HSPG2: variants seen among roughly 807,000 people sequenced by gnomAD.
HSPG2 encodes the protein heparan sulfate proteoglycan 2.
HSPG2 carries 278 observed loss-of-function variants against 526.6 expected under a neutral mutation model. That is an observed-to-expected ratio of 0.53 (90% CI 0.48 to 0.58). The LOEUF (loss-of-function observed/expected upper bound fraction) is 0.58. Among genes scored for constraint, HSPG2 ranks in the 20% least tolerant of loss-of-function variants. The pLI is 0.00. For synonymous variants in HSPG2, 2,465 were observed against 2,555.4 expected, an observed-to-expected ratio of 0.96 and a Z score of 1.07; for missense variants, 5,354 against 6,099.5, an observed-to-expected ratio of 0.88 and a Z score of 4.07.
chr1:21,885,002 C>G lies in HSPG2; in HGVS notation c.1355+11G>C. 1 of 1,613,860 alleles carries G rather than the reference C, an allele frequency of 6.2e-7. No homozygotes were observed. Among genetic ancestry groups the G allele is most frequent in the African/African-American group, 1.3e-5 (1 of 75,036 alleles). Reference sequence around the variant, plus strand: ...TCATTCCCACCCCACCACCTGGGCCCAGAGCCGCACCTGGGATGAGAGGGG... The same window carrying G: ...TCATTCCCACCCCACCACCTGGGCCGAGAGCCGCACCTGGGATGAGAGGGG... On this transcript the variant is annotated intron_variant, in intron 11 of 96. Coordinates refer to ENST00000374695, the MANE Select transcript of HSPG2 (RefSeq NM_005529.7).
intron 1 of HSPG2, among the ~76,000 whole-genome samples, chr1:21,901,727 C>T (rs1643113154): frequency 6.6e-6 from 1 of 152,096 alleles, no homozygotes; most frequent in South Asian, 2.1e-4. Flanking sequence ...CAGGGCCAGG[C>T]TCCAGGCATG....
intron 64 of HSPG2, 100 bp downstream of exon 64, chr1:21,846,008 G>A (rs774747479): frequency 9.6e-5 from 136 of 1,416,394 alleles, no homozygotes; most frequent in Non-Finnish European, 1.0e-4. Context: ...GGCAGTTCTC[G>A]CCGAGTGCCA....
rs369943997 is a variant in HSPG2, at chr1:21,880,412, C to T, written c.2146G>A (p.Val716Ile). 3.3e-5 allele frequency: 54 copies of T among 1,614,038 alleles called. No individual in the cohort carries two copies. The highest frequency in any genetic ancestry group is 4.2e-5 in the Non-Finnish European group (49 of 1,180,014). ...GLSDIAMDTT[V>I]THATSHGRAH... ...CGGCCATGGCTGGTGGCATGGGTGA[C>T]GGTGGTATCCATGGCGATGTCGCTA... Residue 716 changes from valine to isoleucine, a missense_variant, in exon 16 of 97, where the codon GTC becomes ATC. Val to Ile is a conservative substitution (Grantham distance 29, BLOSUM62 3). Transcript: ENST00000374695.
intron 74 of HSPG2, among the ~76,000 whole-genome samples, chr1:21,837,587 C>A (rs1458992271): frequency 6.6e-6 from 1 of 152,062 alleles, no homozygotes; most frequent in African/African-American, 2.4e-5. Flanking sequence ...CCGCGCCCGG[C>A]CATACTCAGA....
intron 85 of HSPG2, chr1:21,830,727 G>C (rs1260263175): frequency 1.1e-5 from 6 of 539,106 alleles, no homozygotes; most frequent in Admixed American, 6.6e-5. Context: ...GGCTGGGGGT[G>C]GGGGAGTGCC....
intron 1 of HSPG2, among the ~76,000 whole-genome samples, chr1:21,914,999 CCCT>C (rs1643852915): frequency 6.6e-6 from 1 of 152,208 alleles, no homozygotes; most frequent in Non-Finnish European, 1.5e-5. Context: ...TGTCAGACGT[CCCT>C]CACCCCCAGG....
rs1572148145 is a variant in HSPG2 at position 21,829,590 on chromosome 1, T to C, written c.11785A>G (p.Thr3929Ala). Residue 3929 changes from threonine to alanine, a missense_variant, in exon 87 of 97, where the codon ACC becomes GCC. By Grantham distance (58) the Thr-to-Ala change is moderately conservative (BLOSUM62 0). Transcript: ENST00000374695. ...GAGCCAGCACCCGACAGCGAGGGGG[T>C]GGTCACTGTCACACCTGCAGCAGCC... Reference protein sequence around the residue: ...LRCEEGVTVTTPSLSGAGSYL... With the variant: ...LRCEEGVTVTAPSLSGAGSYL... 6.2e-7 allele frequency: 1 copy of C among 1,605,844 alleles called. No individual in the cohort carries two copies. The highest frequency in any genetic ancestry group is 8.5e-7 in the Non-Finnish European group (1 of 1,175,416).
At position 21,848,121 on chromosome 1, in the gene HSPG2, G is replaced by T; in HGVS notation, c.7738-28C>A. On this transcript the variant is annotated intron_variant, in intron 59 of 96. Coordinates refer to ENST00000374695, the MANE Select transcript of HSPG2 (RefSeq NM_005529.7). The surrounding 1 kb of genome is among the most constrained non-coding windows in gnomAD (Gnocchi z 4.9). ...GCAGGAAGCAGATGGCAGGAGGTATGGCAGTAGGTGTGGGCAGCTCCTCCA... is the reference window on the plus strand; with the variant it reads ...GCAGGAAGCAGATGGCAGGAGGTATTGCAGTAGGTGTGGGCAGCTCCTCCA... 6.4e-7 allele frequency: 1 copy of T among 1,558,794 alleles called. No homozygotes were observed. The highest frequency in any genetic ancestry group is 8.7e-7 in the Non-Finnish European group (1 of 1,153,038).
Position 21,828,700 on chromosome 1 carries a change from G to A in HSPG2, c.12237+135C>T, listed in dbSNP as rs912036069. On this transcript the variant is annotated intron_variant, in intron 88 of 96. Transcript: ENST00000374695. This position sits in a 1 kb window ranked among gnomAD's most constrained non-coding sequence, Gnocchi z 6.0. ...ACAGAGGAGGAAACTGAGGCTCAGA[G>A]GTACAGTGTCCTGGCCCAGGGCCCG... The A allele has an allele frequency of 1.6e-6, 2 of 1,280,810 alleles. No individual in the cohort carries two copies. Among genetic ancestry groups the A allele is most frequent in the East Asian group, 2.5e-5 (1 of 39,624 alleles). 79.3% of individuals were successfully genotyped at this position (1,280,810 alleles called of 1,614,324 possible). A position where few individuals can be genotyped will look rare whatever the true frequency, so the allele number is the denominator to read the frequency against.
intron 75 of HSPG2, 86 bp downstream of exon 75, chr1:21,836,716 C>T (rs2098027556): frequency 1.7e-6 from 2 of 1,181,780 alleles, no homozygotes; most frequent in Non-Finnish European, 2.4e-6. Flanking sequence ...TCATGTTGCG[C>T]CCCCTGGGGC....
rs895419420 is a variant in HSPG2, at chr1:21,876,769, G to A, written c.2686-117C>T. On this transcript the variant is annotated intron_variant, in intron 21 of 96. Coordinates refer to ENST00000374695, the MANE Select transcript of HSPG2 (RefSeq NM_005529.7). ...AAGACCCAGGGGAGCCACTGAAAGA[G>A]CACATGTGGCTGGGCGCGGTGGCTC... 1.0e-5 allele frequency: 14 copies of A among 1,346,204 alleles called. No individual in the cohort carries two copies. The Admixed American group carries it at 2.4e-4, about 23-fold the overall frequency. 83.4% of individuals were successfully genotyped at this position (1,346,204 alleles called of 1,614,324 possible).
intron 1 of HSPG2, among the ~76,000 whole-genome samples, chr1:21,931,441 C>T (rs879409973): frequency 2.6e-5 from 4 of 152,218 alleles, no homozygotes; most frequent in Non-Finnish European, 5.9e-5. Context: ...CTCGGCGCAG[C>T]CTCCCTCTTC....
rs775176208 is a variant in HSPG2, at chr1:21,895,993, GCAA to G, written c.200-30_200-28del. 35 of 1,612,788 alleles carry G rather than the reference GCAA, an allele frequency of 2.2e-5. No homozygotes were observed. In the African/African-American group the frequency reaches 2.9e-4, roughly 14 times the overall value. ...TATAAGCAAAAAAGAGATGTAATCA[GCAA>G]CAACAAGTATTTGTTGAGTACCTAC... On this transcript the variant is annotated intron_variant, in intron 2 of 96. Coordinates refer to ENST00000374695, the MANE Select transcript of HSPG2 (RefSeq NM_005529.7). This position sits in a 1 kb window ranked among gnomAD's most constrained non-coding sequence, Gnocchi z 4.1.
At chr1:21,923,977 C>A (rs1035277031) in intron 1 of HSPG2, among the ~76,000 whole-genome samples, 20 of 152,212 alleles carry the variant, frequency 1.3e-4, no homozygotes, top group Non-Finnish European at 2.6e-4. Context: ...CAGACATTTA[C>A]AATGAATGCC....
intron 39 of HSPG2, among the ~76,000 whole-genome samples, chr1:21,860,974 C>T (rs139132311): frequency 1.6e-4 from 25 of 152,304 alleles, no homozygotes; most frequent in African/African-American, 5.5e-4. Flanking sequence ...GGGCACTGGC[C>T]CAGCCTGGAG....
At chr1:21,888,484 T>G (rs1437260861) in intron 6 of HSPG2, among the ~76,000 whole-genome samples, 1 of 152,256 alleles carries the variant, frequency 6.6e-6, no homozygotes, top group Non-Finnish European at 1.5e-5. Context: ...CTTTTTTATT[T>G]TTTTAGAGAC....
chr1:21,872,795 C>T lies in HSPG2; in HGVS notation c.3889-35G>A. 1 of 1,599,932 alleles carries T rather than the reference C, an allele frequency of 6.3e-7. No homozygotes were observed. The highest frequency in any genetic ancestry group is 1.3e-5 in the African/African-American group (1 of 74,866). On this transcript the variant is annotated intron_variant, in intron 31 of 96. Coordinates refer to ENST00000374695, the MANE Select transcript of HSPG2 (RefSeq NM_005529.7). The surrounding 1 kb of genome is among the most constrained non-coding windows in gnomAD (Gnocchi z 5.5). The stretch of plus-strand genomic sequence containing the variant: ...CGGATGGAAGGAGGCAGGCAGGGGA[C>T]TCAGTGGGTCTCCTGCACCCCCAGC...
intron 66 of HSPG2, 30 bp downstream of exon 66, chr1:21,843,267 T>C (rs2152707511): frequency 6.2e-7 from 1 of 1,613,644 alleles, no homozygotes; most frequent in Non-Finnish European, 8.5e-7. Flanking sequence ...GCCTGTGCTC[T>C]GGCATCGCCC....
At chr1:21,857,952 G>A (rs905634936) in intron 42 of HSPG2, among the ~76,000 whole-genome samples, 8 of 152,130 alleles carry the variant, frequency 5.3e-5, no homozygotes, top group Admixed American at 2.0e-4. Flanking sequence ...CCTCCCCGGG[G>A]CTTCTTCTGC....
Sources: gnomAD v4.1 joint callset for allele counts (sites outside exome capture counted in the v4.1 genomes callset) on GRCh38, gnomAD v4.1.1 for gene constraint, Gnocchi (gnomAD v3.1) non-coding constraint, MANE v1.5 for transcripts, NCBI Gene and HGNC (gene_info 2026-07-23, HGNC 2026-07-21) for gene names.